TLR9: variants seen among roughly 807,000 people sequenced by gnomAD.
The protein encoded by TLR9 is toll-like receptor 9.
A neutral mutation model predicts 24.6 loss-of-function variants in TLR9; 19 were observed. That is an observed-to-expected ratio of 0.77 (90% CI 0.54 to 1.13). TLR9 has a LOEUF of 1.13. Ranked by LOEUF, TLR9 falls within the 50% of genes most tolerant of loss-of-function variation. TLR9 has a pLI of 0.00. For synonymous variants in TLR9, 579 were observed against 609.8 expected, an observed-to-expected ratio of 0.95 and a Z score of 0.74; for missense variants, 1,065 against 1,379.6, an observed-to-expected ratio of 0.77 and a Z score of 3.61.
rs919277696 is a variant in TLR9, at chr3:52,223,868, G to C, written c.448C>G (p.Leu150Val). Residue 150 changes from leucine to valine, a missense_variant, in exon 2 of 2, where the codon CTC becomes GTC. Leu to Val is a conservative substitution (Grantham distance 32). Coordinates refer to ENST00000360658, the MANE Select transcript of TLR9 (RefSeq NM_017442.4). ...ALPKSLISLS[L>V]SHTNILMLDS... is the part of the protein sequence containing the mutation. ...AGCATCAGGATGTTGGTATGGCTGAGGGACAGGGATATGAGGGATTTGGGC... is the reference window on the plus strand; with the variant it reads ...AGCATCAGGATGTTGGTATGGCTGACGGACAGGGATATGAGGGATTTGGGC... 1.9e-6 allele frequency: 3 copies of C among 1,612,248 alleles called. No homozygotes were observed. The highest frequency in any genetic ancestry group is 2.5e-6 in the Non-Finnish European group (3 of 1,178,944).
At position 52,223,411 on chromosome 3, in the gene TLR9, C is replaced by A. The variant is rs770978006; in HGVS notation, c.905G>T (p.Ser302Ile). ...GAGGTTTCCCAGCCCACGGAACCAA[C>A]TGGCATTCAGCCAGGAGAGAGAACT... ...KDSSLSWLNA[S>I]WFRGLGNLRV... The change falls in exon 2 of 2, where the codon AGT becomes ATT. Residue 302 changes from serine (S) to isoleucine (I), a missense_variant. By Grantham distance (142) the Ser-to-Ile change is moderately radical. Coordinates refer to ENST00000360658, the MANE Select transcript of TLR9 (RefSeq NM_017442.4). 2 of 1,612,756 alleles carry A rather than the reference C, an allele frequency of 1.2e-6. No homozygotes were observed. Among genetic ancestry groups the A allele is most frequent in the Non-Finnish European group, 1.7e-6 (2 of 1,179,252 alleles).
In TLR9 at chr3:52,223,610, C is replaced by T. The variant is rs753365019; in HGVS notation, c.706G>A (p.Ala236Thr). Residue 236 changes from alanine to threonine, a missense_variant, in exon 2 of 2, where the codon GCG becomes ACG. Ala to Thr is a moderately conservative substitution (Grantham distance 58). Transcript: ENST00000360658. ...GTCAGATTGGCCAGGTCCTCAGGCGCCAGTTTGACGATGCGGTTGTAGGAC... is the reference window on the plus strand; with the variant it reads ...GTCAGATTGGCCAGGTCCTCAGGCGTCAGTTTGACGATGCGGTTGTAGGAC... ...LLSYNRIVKL[A>T]PEDLANLTAL... 2 of 1,546,936 alleles carry T rather than the reference C, an allele frequency of 1.3e-6. No homozygotes were observed. Among genetic ancestry groups the T allele is most frequent in the East Asian group, 2.3e-5 (1 of 44,298 alleles).
In TLR9 at chr3:52,223,469, G is replaced by A. The variant is rs1407501181; in HGVS notation, c.847C>T (p.Leu283=). The change falls in exon 2 of 2, where the codon CTG becomes TTG. Residue 283 remains leucine, a synonymous_variant. Coordinates refer to ENST00000360658, the MANE Select transcript of TLR9 (RefSeq NM_017442.4). ...PQLHPDTFSH[L]SRLEGLVLKD... ...AACACCAGGCCTTCAAGACGGCTCA[G>A]GTGGCTGAAGGTATCGGGATGTAGC... 5 of 1,575,650 alleles carry A rather than the reference G, an allele frequency of 3.2e-6. No individual in the cohort carries two copies. Among genetic ancestry groups the A allele is most frequent in the Non-Finnish European group, 3.5e-6 (4 of 1,159,078 alleles).
intron 1 of TLR9, 133 bp downstream of exon 1, chr3:52,225,394 G>C: frequency 8.8e-7 from 1 of 1,137,434 alleles, no homozygotes. Context: ...GAAGTCTTCA[G>C]GATTCAGTGA....
rs749696646 is a variant in TLR9 at position 52,223,032 on chromosome 3, G to A, written c.1284C>T (p.Ser428=). The change falls in exon 2 of 2, where the codon AGC becomes AGT. Residue 428 remains serine (S), a synonymous_variant. Coordinates refer to ENST00000360658, the MANE Select transcript of TLR9 (RefSeq NM_017442.4). The stretch of plus-strand genomic sequence containing the variant: ...TGGTGGCTGTCAGCTCCGAAGCTCC[G>A]CTGATGCGGTTGTCCGACAGGTCCA... ...RYVDLSDNRI[S]GASELTATMG... The A allele has an allele frequency of 1.3e-5, 20 of 1,587,696 alleles. 1 individual carries two copies. Among genetic ancestry groups the A allele is most frequent in the Middle Eastern group, 3.4e-4 (2 of 5,968 alleles).
Position 52,222,886 on chromosome 3 carries a change from A to C in TLR9, c.1430T>G (p.Leu477Trp). The C allele has an allele frequency of 6.2e-7, 1 of 1,607,254 alleles. No individual in the cohort carries two copies. Among genetic ancestry groups the C allele is most frequent in the Non-Finnish European group, 8.5e-7 (1 of 1,174,616 alleles). ...CACCAGGTTGTTCCGTGACAGATCCAAGGTGAAGTTGAGGGTGCTGCAGTT... is the reference window on the plus strand; with the variant it reads ...CACCAGGTTGTTCCGTGACAGATCCCAGGTGAAGTTGAGGGTGCTGCAGTT... ...RPNCSTLNFT[L>W]DLSRNNLVTV... Residue 477 changes from leucine to tryptophan, a missense_variant, in exon 2 of 2, where the codon TTG (leucine) becomes TGG (tryptophan). Leu to Trp is a moderately conservative substitution (Grantham distance 61). Transcript: ENST00000360658.
In TLR9 at chr3:52,221,746, C is replaced by T. The variant is rs201883321; in HGVS notation, c.2570G>A (p.Arg857Gln). ...CTCATCTCGCCCACTTTGCCGCCCC[C>T]GCCAGGGAAGCCAGGCCAGGCACAG... ...FHLCLAWLPW[R>Q]GRQSGRDEDA... The change falls in exon 2 of 2, where the codon CGG becomes CAG. Residue 857 changes from arginine to glutamine, a missense_variant. By Grantham distance (43) the Arg-to-Gln change is conservative (BLOSUM62 1). Transcript: ENST00000360658. The surrounding 1 kb of genome is among the most constrained non-coding windows in gnomAD (Gnocchi z 9.9). The T allele has an allele frequency of 1.4e-5, 22 of 1,613,866 alleles. No homozygotes were observed. Among genetic ancestry groups the T allele is most frequent in the Admixed American group, 3.3e-5 (2 of 60,012 alleles).
chr3:52,225,536 G>A lies in TLR9; in HGVS notation c.-7C>T, dbSNP rs1283968108. On this transcript the variant is annotated 5_prime_UTR_variant, in exon 1 of 2. Coordinates refer to ENST00000360658, the MANE Select transcript of TLR9 (RefSeq NM_017442.4). ...AGAGCTGTTGTCCTACCATGCTGGGGGGCAGGGGCTTCTCCAGAGGGTCTG... is the reference window on the plus strand; with the variant it reads ...AGAGCTGTTGTCCTACCATGCTGGGAGGCAGGGGCTTCTCCAGAGGGTCTG... The A allele has an allele frequency of 1.5e-5, 23 of 1,584,738 alleles. No individual in the cohort carries two copies. The highest frequency in any genetic ancestry group is 2.3e-5 in the East Asian group (1 of 43,496).
rs747740029 is a variant in TLR9 at position 52,224,029 on chromosome 3, C to T, written c.287G>A (p.Trp96Ter). ...GCTGAGGCCAACCGGCGGGCAGTTCCACTTGAGGTTGAGATGCCGCAGGCT... is the reference window on the plus strand; with the variant it reads ...GCTGAGGCCAACCGGCGGGCAGTTCTACTTGAGGTTGAGATGCCGCAGGCT... ...LPSLRHLNLK[W>*]NCPPVGLSPM... The change falls in exon 2 of 2, where the codon TGG becomes TAG. Residue 96 changes from tryptophan to a stop codon, truncating the protein, a stop_gained. Coordinates refer to ENST00000360658, the MANE Select transcript of TLR9 (RefSeq NM_017442.4). LOFTEE classifies it low-confidence loss of function (END_TRUNC). 3 of 1,586,548 alleles carry T rather than the reference C, an allele frequency of 1.9e-6. No homozygotes were observed. In the African/African-American group the frequency reaches 4.0e-5, roughly 21 times the overall value.
At position 52,223,100 on chromosome 3, in the gene TLR9, C is replaced by T. The variant is rs866716615; in HGVS notation, c.1216G>A (p.Ala406Thr). The T allele has an allele frequency of 6.2e-7, 1 of 1,613,334 alleles. No homozygotes were observed. Among genetic ancestry groups the T allele is most frequent in the South Asian group, 1.1e-5 (1 of 90,934 alleles). The change falls in exon 2 of 2, where the codon GCC becomes ACC. Residue 406 changes from alanine to threonine, a missense_variant. Ala to Thr is a moderately conservative substitution (Grantham distance 58). Transcript: ENST00000360658. ...LRLQMNFINQ[A>T]QLGIFRAFPG... ...AAGGCCCTGAAGATGCCGAGCTGGGCCTGGTTGATGAAGTTCATCTGCAGA... is the reference window on the plus strand; with the variant it reads ...AAGGCCCTGAAGATGCCGAGCTGGGTCTGGTTGATGAAGTTCATCTGCAGA...
In TLR9 at chr3:52,223,156, A is replaced by G; in HGVS notation, c.1160T>C (p.Leu387Pro). ...AGTCTGGAGCATGGGCAGGCGGGCCAGTGGCCGGAGCGTGGTCTCATCGAG... is the reference window on the plus strand; with the variant it reads ...AGTCTGGAGCATGGGCAGGCGGGCCGGTGGCCGGAGCGTGGTCTCATCGAG... ...RSLDETTLRP[L>P]ARLPMLQTLR... The change falls in exon 2 of 2, where the codon CTG becomes CCG. Residue 387 changes from leucine to proline, a missense_variant. Leu to Pro is a moderately conservative substitution (Grantham distance 98). Transcript: ENST00000360658. 1 of 1,613,940 alleles carries G rather than the reference A, an allele frequency of 6.2e-7. No individual in the cohort carries two copies. Among genetic ancestry groups the G allele is most frequent in the Non-Finnish European group, 8.5e-7 (1 of 1,179,922 alleles).
Position 52,223,091 on chromosome 3 carries a change from C to A in TLR9, c.1225G>T (p.Gly409Cys), listed in dbSNP as rs200495784. The part of the protein sequence containing the change: ...QMNFINQAQL[G>C]IFRAFPGLRY... ...AGGCCAGGGAAGGCCCTGAAGATGC[C>A]GAGCTGGGCCTGGTTGATGAAGTTC... is the stretch of plus-strand genomic sequence containing the variant. Residue 409 changes from glycine to cysteine, a missense_variant, in exon 2 of 2, where the codon GGC becomes TGC. Coordinates refer to ENST00000360658, the MANE Select transcript of TLR9 (RefSeq NM_017442.4). 1.2e-6 allele frequency: 2 copies of A among 1,612,190 alleles called. No homozygotes were observed. Among genetic ancestry groups the A allele is most frequent in the South Asian group, 2.2e-5 (2 of 90,772 alleles).
chr3:52,221,679 C>T lies in TLR9; in HGVS notation c.2637G>A (p.Thr879=), dbSNP rs773475344. 15 of 1,613,814 alleles carry T rather than the reference C, an allele frequency of 9.3e-6. No homozygotes were observed. The highest frequency in any genetic ancestry group is 6.7e-5 in the East Asian group (3 of 44,898). The change falls in exon 2 of 2, where the codon ACG becomes ACA. Residue 879 remains threonine (T), a synonymous_variant. Transcript: ENST00000360658. The surrounding 1 kb of genome is among the most constrained non-coding windows in gnomAD (Gnocchi z 9.9). ...ACACCCAGTCTGCCACTGCGCTCTG[C>T]GTTTTGTCGAAGACCACGAAGGCAT... ...PYDAFVVFDK[T]QSAVADWVYN...
In TLR9 at chr3:52,221,386, C is replaced by T. The variant is rs1396810210; in HGVS notation, c.2930G>A (p.Arg977His). 3.1e-6 allele frequency: 5 copies of T among 1,589,482 alleles called. No homozygotes were observed. The highest frequency in any genetic ancestry group is 1.7e-4 in the Middle Eastern group (1 of 5,938). The change falls in exon 2 of 2, where the codon CGC (arginine) becomes CAC (histidine). Residue 977 changes from arginine to histidine, a missense_variant. Coordinates refer to ENST00000360658, the MANE Select transcript of TLR9 (RefSeq NM_017442.4). This position sits in a 1 kb window ranked among gnomAD's most constrained non-coding sequence, Gnocchi z 9.9. ...CTGGCGCAGCCGCACGTAGCGGGAG[C>T]GGCGGCCGTCAGGGCTCAGGATCAC... The part of the protein sequence containing the change: ...VLVILSPDGR[R>H]SRYVRLRQRL...
chr3:52,223,763 T>A lies in TLR9; in HGVS notation c.553A>T (p.Arg185Trp). ...CCCGGGGCCACCTCCAGTGCCTGCC[T>A]GCAGGGGTTCTTGTAATAACAGTTG... ...DGNCYYKNPC[R>W]QALEVAPGAL... is the part of the protein sequence containing the mutation. The change falls in exon 2 of 2, where the codon AGG (arginine) becomes TGG (tryptophan). Residue 185 changes from arginine to tryptophan, a missense_variant. Physicochemically the swap from Arg to Trp is moderately radical, Grantham distance 101. Transcript: ENST00000360658. 1 of 1,571,506 alleles carries A rather than the reference T, an allele frequency of 6.4e-7. No homozygotes were observed. The highest frequency in any genetic ancestry group is 8.6e-7 in the Non-Finnish European group (1 of 1,157,310).
At chr3:52,225,488 A>T (rs1032118675) in intron 1 of TLR9, 39 bp downstream of exon 1, 5 of 1,602,720 alleles carry the variant, frequency 3.1e-6, no homozygotes, top group Non-Finnish European at 4.3e-6. Context: ...CCTTCCCAGG[A>T]TATCCCCTTC....
rs200559631 is a variant in TLR9 at position 52,223,003 on chromosome 3, C to T, written c.1313G>A (p.Gly438Glu). The change falls in exon 2 of 2, where the codon GGG becomes GAG. Residue 438 changes from glycine (G) to glutamate (E), a missense_variant. Physicochemically the swap from Gly to Glu is moderately conservative, Grantham distance 98 (BLOSUM62 -2). Coordinates refer to ENST00000360658, the MANE Select transcript of TLR9 (RefSeq NM_017442.4). ...SGASELTATM[G>E]EADGGEKVWL... ...GACCTTCTCCCCTCCATCTGCCTCC[C>T]CCATGGTGGCTGTCAGCTCCGAAGC... 1 of 1,589,608 alleles carries T rather than the reference C, an allele frequency of 6.3e-7. No homozygotes were observed. Among genetic ancestry groups the T allele is most frequent in the Non-Finnish European group, 8.6e-7 (1 of 1,166,104 alleles).
In TLR9 at chr3:52,222,437, G is replaced by T; in HGVS notation, c.1879C>A (p.Leu627Met). ...GDLYLHFFQG[L>M]SGLIWLDLSQ... The stretch of plus-strand genomic sequence containing the variant: ...AAGTCCAGCCAGATCAAACCGCTCA[G>T]GCCTTGGAAGAAGTGCAGATAGAGG... The change falls in exon 2 of 2, where the codon CTG becomes ATG. Residue 627 changes from leucine to methionine, a missense_variant. By Grantham distance (15) the Leu-to-Met change is conservative (BLOSUM62 2). Transcript: ENST00000360658. The T allele has an allele frequency of 1.2e-6, 2 of 1,614,236 alleles. No homozygotes were observed. The highest frequency in any genetic ancestry group is 1.7e-6 in the Non-Finnish European group (2 of 1,180,044).
At position 52,222,858 on chromosome 3, in the gene TLR9, G is replaced by C. The variant is rs757146434; in HGVS notation, c.1458C>G (p.Thr486=). 5 of 1,611,036 alleles carry C rather than the reference G, an allele frequency of 3.1e-6. No homozygotes were observed. The highest frequency in any genetic ancestry group is 4.2e-6 in the Non-Finnish European group (5 of 1,177,472). The part of the protein sequence containing the change: ...TLDLSRNNLV[T]VQPEMFAQLS... ...GCTGGGCAAACATCTCCGGCTGCAC[G>C]GTCACCAGGTTGTTCCGTGACAGAT... The change falls in exon 2 of 2, where the codon ACC becomes ACG. Residue 486 remains threonine, a synonymous_variant. Transcript: ENST00000360658.
Sources: allele counts gnomAD v4.1 joint callset, GRCh38; gene constraint gnomAD v4.1.1; non-coding constraint Gnocchi (gnomAD v3.1); transcripts MANE v1.5; gene names NCBI Gene and HGNC (gene_info 2026-07-23, HGNC 2026-07-21).